PTPRT: variants seen among roughly 807,000 people sequenced by gnomAD.
PTPRT encodes protein tyrosine phosphatase receptor type T, also known as receptor-type tyrosine-protein phosphatase T.
A neutral mutation model predicts 176.8 loss-of-function variants in PTPRT; 56 were observed. The observed-to-expected ratio is 0.32, with a 90% CI of 0.26 to 0.40. PTPRT has a LOEUF of 0.40. PTPRT is among the 10% of genes least tolerant of loss of function. The pLI is 1.00. For synonymous variants in PTPRT, 783 were observed against 739.0 expected (o/e 1.06, Z -0.96); for missense variants, 1,540 against 1,908.2 (o/e 0.81, Z 3.60).
At chr20:42,394,746 A>G (rs2058833295) in intron 9 of PTPRT, among the ~76,000 whole-genome samples, 1 of 152,228 alleles carries the variant, frequency 6.6e-6, no homozygotes, top group Non-Finnish European at 1.5e-5. Context: ...ATGAGCAAAG[A>G]GTGACATAAA....
chr20:42,080,896 A>AT lies in PTPRT; in HGVS notation c.4308dup (p.Tyr1437IlefsTer21). On this transcript the variant is annotated frameshift_variant, in exon 31 of 31. Transcript: ENST00000373187. LOFTEE classifies it high-confidence loss of function. ...CCATTGAGCTAAAAGGAGCTTAAATATTCCAGTGCCACCTCGTATACAAAT... is the reference window on the plus strand; with the variant it reads ...CCATTGAGCTAAAAGGAGCTTAAATATTTCCAGTGCCACCTCGTATACAAAT... The AT allele has an allele frequency of 6.2e-7, 1 of 1,611,390 alleles. No homozygotes were observed. The highest frequency in any genetic ancestry group is 8.5e-7 in the Non-Finnish European group (1 of 1,177,950).
At chr20:42,108,271 T>TAGTAATTGAACACAGGATATTTG in intron 23 of PTPRT, among the ~76,000 whole-genome samples, 1 of 152,196 alleles carries the variant, frequency 6.6e-6, no homozygotes, top group East Asian at 1.9e-4. Context: ...CAGCATCACA[T>TAGTAATTGAACACAGGATATTTG]AGTAATTGAA....
At chr20:42,704,497 A>C (rs932837773) in intron 6 of PTPRT, among the ~76,000 whole-genome samples, 1 of 151,692 alleles carries the variant, frequency 6.6e-6, no homozygotes, top group Non-Finnish European at 1.5e-5. Context: ...AAGCTTTCCT[A>C]TTGAGTCCAC....
chr20:42,438,498 G>T (rs563649863), intron 9 of PTPRT, among the ~76,000 whole-genome samples: 1 of 152,240 alleles, frequency 6.6e-6, no homozygotes, highest in East Asian at 1.9e-4. Flanking sequence ...CAATGAAATA[G>T]AACAATCCTA....
chr20:42,470,080 C>T (rs1252454111), intron 8 of PTPRT, among the ~76,000 whole-genome samples: 1 of 152,142 alleles, frequency 6.6e-6, no homozygotes, highest in East Asian at 1.9e-4. Context: ...ACAGTAGAGG[C>T]TCTGTCTTCA....
intron 7 of PTPRT, among the ~76,000 whole-genome samples, chr20:42,496,285 A>C (rs1249806291): frequency 6.6e-6 from 1 of 152,096 alleles, no homozygotes; most frequent in African/African-American, 2.4e-5. Context: ...ACTTCACAAA[A>C]ACACATTGCA....
At chr20:42,975,784 G>C (rs1423563827) in intron 1 of PTPRT, among the ~76,000 whole-genome samples, 2 of 152,002 alleles carry the variant, frequency 1.3e-5, no homozygotes, top group African/African-American at 4.8e-5. Flanking sequence ...AGCAAAGAAG[G>C]CTAAAACATT....
chr20:42,485,191 A>G (rs2071446426), intron 7 of PTPRT, among the ~76,000 whole-genome samples: 1 of 152,262 alleles, frequency 6.6e-6, no homozygotes. Context: ...TTCAGTTTCC[A>G]GAGAAAGGAA....
chr20:42,463,518 G>A (rs2071055773), intron 8 of PTPRT, among the ~76,000 whole-genome samples: 1 of 152,032 alleles, frequency 6.6e-6, no homozygotes, highest in African/African-American at 2.4e-5. Context: ...AAAGTCAGGT[G>A]GTAATTTAAG....
intron 15 of PTPRT, among the ~76,000 whole-genome samples, chr20:42,231,352 C>T (rs892417022): frequency 6.6e-6 from 1 of 152,154 alleles, no homozygotes; most frequent in East Asian, 1.9e-4. Flanking sequence ...TCAAACTTAA[C>T]CCTGCTGCAT....
chr20:43,050,434 G>C (rs981717291), intron 1 of PTPRT, among the ~76,000 whole-genome samples: 2 of 152,180 alleles, frequency 1.3e-5, no homozygotes, highest in African/African-American at 2.4e-5. Context: ...GCAAGGCCAC[G>C]GCCACCCAGG....
In PTPRT at chr20:42,693,349, C is replaced by A. The variant is rs565782734; in HGVS notation, c.860-15190G>T. Reference sequence around the variant, plus strand: ...CTGTCAGGCTTTCTAGACAATTTGACAAACTTATTCTGAAGTTTATATAAA... The same window carrying A: ...CTGTCAGGCTTTCTAGACAATTTGAAAAACTTATTCTGAAGTTTATATAAA... On this transcript the variant is annotated intron_variant, in intron 6 of 30. Coordinates refer to ENST00000373187, the MANE Select transcript of PTPRT (RefSeq NM_007050.6). 4.6e-5 allele frequency among the ~76,000 whole-genome samples: 7 copies of A among 152,200 alleles called. No individual in the cohort carries two copies. In the South Asian group the frequency reaches 1.2e-3, roughly 27 times the overall value.
intron 21 of PTPRT, among the ~76,000 whole-genome samples, chr20:42,115,850 TG>T (rs1474917968): frequency 6.6e-6 from 1 of 151,794 alleles, no homozygotes; most frequent in Non-Finnish European, 1.5e-5. Context: ...AGGTGGCAGT[TG>T]GGGGTCTGGA....
In PTPRT at chr20:42,252,642, A is replaced by G. The variant is rs1204471641; in HGVS notation, c.2177-3820T>C. ...TAGAATCAAGTCCACACACAAAGGA[A>G]AGTGAAGATCTTGGATGAGTATTAG... On this transcript the variant is annotated intron_variant, in intron 13 of 30. Coordinates refer to ENST00000373187, the MANE Select transcript of PTPRT (RefSeq NM_007050.6). Among the ~76,000 whole-genome samples the G allele has an allele frequency of 2.6e-5, 4 of 152,228 alleles. No individual in the cohort carries two copies. The East Asian group carries it at 7.7e-4, about 29-fold the overall frequency.
intron 2 of PTPRT, among the ~76,000 whole-genome samples, chr20:42,871,553 CA>C (rs1408787425): frequency 6.6e-6 from 1 of 152,176 alleles, no homozygotes; most frequent in Non-Finnish European, 1.5e-5. Flanking sequence ...AAATCGCTGC[CA>C]AATCCAACAT....
chr20:42,703,360 A>G (rs1216676494), intron 6 of PTPRT, among the ~76,000 whole-genome samples: 1 of 152,242 alleles, frequency 6.6e-6, no homozygotes, highest in African/African-American at 2.4e-5. Context: ...TTGAGTAACA[A>G]AAACAAAGAT....
At chr20:42,937,689 G>C (rs1012913083) in intron 1 of PTPRT, among the ~76,000 whole-genome samples, 1 of 152,202 alleles carries the variant, frequency 6.6e-6, no homozygotes, top group Non-Finnish European at 1.5e-5. Context: ...CTGATGAGAA[G>C]AGTGCCAGCT....
At chr20:42,753,244 G>T (rs1341748013) in intron 6 of PTPRT, among the ~76,000 whole-genome samples, 1 of 152,090 alleles carries the variant, frequency 6.6e-6, no homozygotes, top group Admixed American at 6.5e-5. Flanking sequence ...TACCCCTTGG[G>T]ATGGTCCTGT....
intron 7 of PTPRT, among the ~76,000 whole-genome samples, chr20:42,495,476 C>G (rs1368981298): frequency 6.6e-6 from 1 of 152,136 alleles, no homozygotes; most frequent in Admixed American, 6.6e-5. Context: ...ACCTGGCATC[C>G]TACCCTTTAT....
Sources: allele counts gnomAD v4.1 joint callset (sites outside exome capture counted in the v4.1 genomes callset), GRCh38; gene constraint gnomAD v4.1.1; transcripts MANE v1.5; gene names NCBI Gene and HGNC (gene_info 2026-07-23, HGNC 2026-07-21).